The following C11orf65 variants were observed in gnomAD, a reference collection of about 807,000 sequenced individuals.
The protein encoded by C11orf65 is chromosome 11 open reading frame 65.
A neutral mutation model predicts 35.3 loss-of-function variants in C11orf65; 38 were observed. The observed-to-expected ratio is 1.08, with a 90% CI of 0.83 to 1.41. The LOEUF is 1.41. Ranked by LOEUF, C11orf65 falls within the 40% of genes most tolerant of loss-of-function variation. The pLI is 0.00. For missense variants in C11orf65, 370 were observed against 367.1 expected (o/e 1.01, Z -0.06); for synonymous variants, 105 against 114.4 (o/e 0.92, Z 0.53).
chr11:108,442,654 C>G (rs1043147526), intron 2 of C11orf65, among the ~76,000 whole-genome samples: 2 of 152,174 alleles, frequency 1.3e-5, no homozygotes, highest in East Asian at 1.9e-4. Context: ...AGCCAGAAGA[C>G]AGTGGGGGCC....
At chr11:108,317,554 C>A in intron 6 of C11orf65, 1 of 1,507,516 alleles carries the variant, frequency 6.6e-7, no homozygotes, top group Admixed American at 1.8e-5. Context: ...TTTTTTTTTG[C>A]CTCTCTCCTC....
Position 108,345,884 on chromosome 11 carries a change from C to T in C11orf65, c.227-10592G>A, listed in dbSNP as rs201958469. 1.9e-4 allele frequency: 306 copies of T among 1,613,564 alleles called. No homozygotes were observed. Among genetic ancestry groups the T allele is most frequent in the Admixed American group, 5.5e-4 (33 of 59,972 alleles). On this transcript the variant is annotated intron_variant, in intron 2 of 3. Transcript: ENST00000524755. ...GTTTGAGAAGCGATTGGCTTATACG[C>T]GCAGTGTAGCTACTTCTTCTATTGG...
Position 108,353,111 on chromosome 11 carries a change from T to TA in C11orf65, c.227-17820dup, listed in dbSNP as rs1316630492. The stretch of plus-strand genomic sequence containing the variant: ...GGATGATCTTTTCTGTATGATTTCT[T>TA]ACAACTCGAAGTGAACATATAATTA... On this transcript the variant is annotated intron_variant, in intron 2 of 3. Coordinates refer to the C11orf65 transcript ENST00000524755. 2.6e-5 allele frequency among the ~76,000 whole-genome samples: 4 copies of TA among 152,292 alleles called. No individual in the cohort carries two copies. In the South Asian group the frequency reaches 8.3e-4, roughly 32 times the overall value.
intron 8 of C11orf65, 73 bp downstream of exon 8, chr11:108,385,847 C>T (rs754486185): frequency 1.8e-5 from 22 of 1,245,294 alleles, no homozygotes; most frequent in Non-Finnish European, 2.3e-5. Context: ...TGTTAAATGC[C>T]TAGAAATACG....
intron 6 of C11orf65, among the ~76,000 whole-genome samples, chr11:108,403,339 G>C (rs1456472645): frequency 1.3e-5 from 2 of 148,838 alleles, no homozygotes; most frequent in African/African-American, 4.9e-5. Context: ...TAATTTGCTA[G>C]GTATGTATCT....
At chr11:108,442,592 A>T (rs1281369765) in intron 2 of C11orf65, among the ~76,000 whole-genome samples, 2 of 152,228 alleles carry the variant, frequency 1.3e-5, no homozygotes, top group Admixed American at 6.5e-5. Flanking sequence ...CGGGTTACCC[A>T]CAAAGGGAAA....
At chr11:108,420,618 T>A (rs1210810306) in intron 3 of C11orf65, among the ~76,000 whole-genome samples, 1 of 152,136 alleles carries the variant, frequency 6.6e-6, no homozygotes, top group Non-Finnish European at 1.5e-5. Flanking sequence ...TGAGATTGGG[T>A]AGTAAATCCT....
At chr11:108,329,173 A>T (rs761907546), downstream of C11orf65, 1 of 1,614,126 alleles carries the variant, frequency 6.2e-7, no homozygotes, top group South Asian at 1.1e-5. Context: ...AAAACAAGCA[A>T]GCTCTCCTGA....
At chr11:108,384,478 C>T (rs554447972) in intron 8 of C11orf65, among the ~76,000 whole-genome samples, 1 of 152,228 alleles carries the variant, frequency 6.6e-6, no homozygotes, top group East Asian at 1.9e-4. Flanking sequence ...TGCCCAAGAT[C>T]ATATAGCCAG....
chr11:108,365,748 T>C (rs1443277991), intron 2 of C11orf65: 1 of 543,750 alleles, frequency 1.8e-6, no homozygotes, highest in Admixed American at 3.3e-5. Context: ...GCGCAGCGGC[T>C]CACGCCTGTA....
chr11:108,347,051 T>G (rs527454405), intron 2 of C11orf65, among the ~76,000 whole-genome samples: 1 of 152,192 alleles, frequency 6.6e-6, no homozygotes, highest in East Asian at 1.9e-4. Flanking sequence ...AAAGAGAAAA[T>G]TTTTTTAGCA....
intron 2 of C11orf65, among the ~76,000 whole-genome samples, chr11:108,455,452 T>C (rs964036016): frequency 5.3e-5 from 8 of 151,994 alleles, no homozygotes; most frequent in Admixed American, 4.6e-4. Flanking sequence ...AGATAGAAAG[T>C]TCACAAAGGA....
At chr11:108,411,667 T>A (rs2092658726) in intron 3 of C11orf65, among the ~76,000 whole-genome samples, 1 of 152,232 alleles carries the variant, frequency 6.6e-6, no homozygotes, top group South Asian at 2.1e-4. Flanking sequence ...AGAATTTTTA[T>A]ATTTTTCTAT....
In C11orf65 at chr11:108,326,220, G is replaced by A; in HGVS notation, c.641-17149C>T. ...GATCAAGAAGTTGGATGCCAGCTGT[G>A]CAGCGGTTTGTTTTTTTTATTGGCT... is the stretch of plus-strand genomic sequence containing the variant. On this transcript the variant is annotated intron_variant, in intron 6 of 6. Coordinates refer to the C11orf65 transcript ENST00000525729. The A allele has an allele frequency of 6.2e-7, 1 of 1,614,064 alleles. No homozygotes were observed. The highest frequency in any genetic ancestry group is 8.5e-7 in the Non-Finnish European group (1 of 1,179,998).
chr11:108,402,741 T>C (rs1027028656), intron 6 of C11orf65, among the ~76,000 whole-genome samples: 3 of 152,212 alleles, frequency 2.0e-5, no homozygotes, highest in Non-Finnish European at 4.4e-5. Flanking sequence ...TCCCTCTCTT[T>C]TTCCTCTTTC....
At chr11:108,348,021 T>C (rs1409531961) in intron 2 of C11orf65, among the ~76,000 whole-genome samples, 1 of 152,172 alleles carries the variant, frequency 6.6e-6, no homozygotes, top group Non-Finnish European at 1.5e-5. Flanking sequence ...TAGTAAACTG[T>C]ACCAGTGATA....
intron 6 of C11orf65, among the ~76,000 whole-genome samples, chr11:108,311,955 T>C (rs1388033142): frequency 6.6e-6 from 1 of 152,220 alleles, no homozygotes; most frequent in Non-Finnish European, 1.5e-5. Context: ...AGTCTTGGTT[T>C]AAGTGGATCC....
intron 2 of C11orf65, among the ~76,000 whole-genome samples, chr11:108,341,965 G>A (rs227073): frequency 6.6e-6 from 1 of 151,988 alleles, no homozygotes; most frequent in Admixed American, 6.5e-5. Flanking sequence ...TTAAATTCCT[G>A]GGTATATACC....
Position 108,372,064 on chromosome 11 carries a change from C to T in C11orf65, c.226+21144G>A, listed in dbSNP as rs748341893. ...ACCTGATTCTGTGTATTGTTGTTAA[C>T]CTTGTTAGGAGATCGTAACGTTAGG... On this transcript the variant is annotated intron_variant, in intron 2 of 3. Coordinates refer to the C11orf65 transcript ENST00000524755. Among the ~76,000 whole-genome samples, 7 of 152,160 alleles carry T rather than the reference C, an allele frequency of 4.6e-5. 1 individual carries two copies. Among genetic ancestry groups the T allele is most frequent in the Non-Finnish European group, 8.8e-5 (6 of 68,038 alleles).
Sources: allele counts gnomAD v4.1 joint callset (sites outside exome capture counted in the v4.1 genomes callset), GRCh38; gene constraint gnomAD v4.1.1; transcripts MANE v1.5; gene names NCBI Gene and HGNC (gene_info 2026-07-23, HGNC 2026-07-21).